ACP6: variants seen among roughly 807,000 people sequenced by gnomAD.
ACP6 encodes the protein lysophosphatidic acid phosphatase type 6.
In ACP6, 48 loss-of-function variants were observed where a neutral mutation model predicts 48.1. That is an observed-to-expected ratio of 1.00 (90% CI 0.79 to 1.27). ACP6 has a LOEUF of 1.27. Ranked by LOEUF, ACP6 falls within the 50% of genes most tolerant of loss-of-function variation. ACP6 has a pLI of 0.00. For missense variants in ACP6, 485 were observed against 529.1 expected (o/e 0.92, Z 0.82); for synonymous variants, 172 against 204.2 (o/e 0.84, Z 1.34).
In ACP6 at chr1:147,643,674, A is replaced by G. The variant is rs1194553430; in HGVS notation, c.*3749T>C. The G allele has an allele frequency of 6.6e-6, 1 of 152,240 alleles. No individual in the cohort carries two copies. Among genetic ancestry groups the G allele is most frequent in the African/African-American group, 2.4e-5 (1 of 41,434 alleles). The allele number at this position is 152,240 out of a possible 1,614,324, so 9.4% of individuals were successfully genotyped here. On this transcript the variant is annotated 3_prime_UTR_variant, in exon 10 of 10. Coordinates refer to ENST00000583509, the MANE Select transcript of ACP6 (RefSeq NM_016361.5). ...GATGGGAAAAAGGGAGATGTTAGTC[A>G]AAATGTACAAAGTTTCAGTTAAACA...
At chr1:147,666,260 A>T (rs1660792805) in intron 1 of ACP6, among the ~76,000 whole-genome samples, 1 of 152,186 alleles carries the variant, frequency 6.6e-6, no homozygotes, top group Non-Finnish European at 1.5e-5. Flanking sequence ...AATTCCTCCC[A>T]AGGGTCCTCA....
In ACP6 at chr1:147,655,019, A is replaced by G. The variant is rs1660173349; in HGVS notation, c.647+142T>C. Reference sequence around the variant, plus strand: ...TCGCTTCCTAGACAGCTGATGTCACACTTAAGTGTAATTTAAACCTTCCCA... The same window carrying G: ...TCGCTTCCTAGACAGCTGATGTCACGCTTAAGTGTAATTTAAACCTTCCCA... On this transcript the variant is annotated intron_variant, in intron 5 of 9. Coordinates refer to ENST00000583509, the MANE Select transcript of ACP6 (RefSeq NM_016361.5). 1.6e-5 allele frequency: 10 copies of G among 637,946 alleles called. 2 individuals are homozygous for G. The East Asian group carries it at 2.6e-4, about 17-fold the overall frequency. The allele number at this position is 637,946 out of a possible 1,614,324, so 39.5% of individuals were successfully genotyped here. A position where few individuals can be genotyped will look rare whatever the true frequency, so the allele number is the denominator to read the frequency against.
chr1:147,631,692 C>T (rs1192944771), intron 5 of ACP6, among the ~76,000 whole-genome samples: 1 of 152,008 alleles, frequency 6.6e-6, no homozygotes, highest in East Asian at 1.9e-4. Context: ...CACACACCGG[C>T]AGTCCCAGCT....
At position 147,642,396 on chromosome 1, in the gene ACP6, C is replaced by A. The variant is rs1350525250; in HGVS notation, c.*5027G>T. ...GAGGCCTAGAGATAATTGGATTACA[C>A]AGGAAAAGGGAGTGTGGGTCAGGGG... On this transcript the variant is annotated 3_prime_UTR_variant, in exon 10 of 10. Coordinates refer to ENST00000583509, the MANE Select transcript of ACP6 (RefSeq NM_016361.5). 6.6e-6 allele frequency: 1 copy of A among 152,084 alleles called. No homozygotes were observed. Among genetic ancestry groups the A allele is most frequent in the Non-Finnish European group, 1.5e-5 (1 of 68,056 alleles). The allele number at this position is 152,084 out of a possible 1,614,324, so 9.4% of individuals were successfully genotyped here.
intron 5 of ACP6, among the ~76,000 whole-genome samples, chr1:147,634,447 T>TA (rs1553207765): frequency 1.4e-4 from 22 of 151,952 alleles, no homozygotes; most frequent in Admixed American, 2.6e-4. Flanking sequence ...GTTTTTTTTT[T>TA]AATTTTGATA....
intron 1 of ACP6, among the ~76,000 whole-genome samples, chr1:147,665,185 G>C (rs1175297777): frequency 2.0e-5 from 3 of 152,178 alleles, no homozygotes; most frequent in African/African-American, 4.8e-5. Flanking sequence ...CATCCTCTTA[G>C]CCCACAGGCT....
intron 1 of ACP6, among the ~76,000 whole-genome samples, chr1:147,663,664 G>C (rs1313835709): frequency 6.6e-6 from 1 of 152,000 alleles, no homozygotes; most frequent in African/African-American, 2.4e-5. Flanking sequence ...TTTTAAAAAA[G>C]GACTTCTACC....
At position 147,646,658 on chromosome 1, in the gene ACP6, AGCCCTGGG is replaced by A. The variant is rs1451730545; in HGVS notation, c.*757_*764del. 6.6e-6 allele frequency: 1 copy of A among 152,192 alleles called. No individual in the cohort carries two copies. Among genetic ancestry groups the A allele is most frequent in the Non-Finnish European group, 1.5e-5 (1 of 68,102 alleles). 9.4% of individuals were successfully genotyped at this position (152,192 alleles called of 1,614,324 possible). Reference sequence around the variant, plus strand: ...AGTAGTTCCAGCCTTACCATTGCAGAGCCCTGGGGCCCACATTTGTTTCTGGAACTAAA... The same window carrying A: ...AGTAGTTCCAGCCTTACCATTGCAGAGCCCACATTTGTTTCTGGAACTAAA... On this transcript the variant is annotated 3_prime_UTR_variant, in exon 10 of 10. Coordinates refer to ENST00000583509, the MANE Select transcript of ACP6 (RefSeq NM_016361.5).
At position 147,635,226 on chromosome 1, in the gene ACP6, T is replaced by C. The variant is rs1659266166; in HGVS notation, c.461-4161A>G. ...GTGACATCTATAACTTAACTTTTTATCTACTCCAGGGTATTACCTACCAAA... is the reference window on the plus strand; with the variant it reads ...GTGACATCTATAACTTAACTTTTTACCTACTCCAGGGTATTACCTACCAAA... On this transcript the variant is annotated intron_variant, in intron 5 of 5. Transcript: ENST00000609196. 3.3e-5 allele frequency among the ~76,000 whole-genome samples: 5 copies of C among 152,342 alleles called. No individual in the cohort carries two copies. The South Asian group carries it at 1.0e-3, about 32-fold the overall frequency.
In ACP6 at chr1:147,670,126, C is replaced by A; in HGVS notation, c.-78G>T. On this transcript the variant is annotated 5_prime_UTR_variant, in exon 1 of 10. Transcript: ENST00000583509. Reference sequence around the variant, plus strand: ...GTCTTCTGCGGGCGCCGGGGCTCAGCGGGCGCCCCCAAGTCCGCGGGAACC... The same window carrying A: ...GTCTTCTGCGGGCGCCGGGGCTCAGAGGGCGCCCCCAAGTCCGCGGGAACC... The A allele has an allele frequency of 7.3e-7, 1 of 1,364,260 alleles. No homozygotes were observed. The highest frequency in any genetic ancestry group is 9.7e-7 in the Non-Finnish European group (1 of 1,035,638). 84.5% of individuals were successfully genotyped at this position (1,364,260 alleles called of 1,614,324 possible).
rs149555309 is a variant in ACP6, at chr1:147,648,616, C to T, written c.978-205G>A. Among the ~76,000 whole-genome samples the T allele has an allele frequency of 2.0e-3, 304 of 152,222 alleles. 1 individual carries two copies. Among genetic ancestry groups the T allele is most frequent in the Non-Finnish European group, 3.4e-3 (234 of 68,012 alleles). On this transcript the variant is annotated intron_variant, in intron 8 of 9. Coordinates refer to ENST00000583509, the MANE Select transcript of ACP6 (RefSeq NM_016361.5). The stretch of plus-strand genomic sequence containing the variant: ...CCCGTGTCTTCATGAGGAGGGTCCC[C>T]GCCAGAGAAATTCTCCTGGCCTCCT...
intron 1 of ACP6, among the ~76,000 whole-genome samples, chr1:147,667,496 A>G (rs58893436): frequency 6.6e-6 from 1 of 151,190 alleles, no homozygotes; most frequent in African/African-American, 2.4e-5. Flanking sequence ...GATTACAGGC[A>G]TGAGCCACCA....
chr1:147,663,822 T>C (rs1306562996), intron 1 of ACP6, among the ~76,000 whole-genome samples: 1 of 152,192 alleles, frequency 6.6e-6, no homozygotes, highest in Non-Finnish European at 1.5e-5. Context: ...TTGTCTTCAA[T>C]GTTCAAGGAT....
At position 147,658,952 on chromosome 1, in the gene ACP6, A is replaced by T. The variant is rs781831832; in HGVS notation, c.559+8T>A. On this transcript the variant is annotated splice_region_variant and intron_variant, in intron 4 of 9. Coordinates refer to ENST00000583509, the MANE Select transcript of ACP6 (RefSeq NM_016361.5). ...GGACAGGGACTGACTGGGACCCCAA[A>T]TACGAACCTTCTTTCTGACACTGGA... 5.0e-6 allele frequency: 8 copies of T among 1,610,112 alleles called. No homozygotes were observed. The highest frequency in any genetic ancestry group is 6.8e-6 in the Non-Finnish European group (8 of 1,177,698).
intron 5 of ACP6, among the ~76,000 whole-genome samples, chr1:147,634,096 C>T (rs1367363039): frequency 1.3e-5 from 2 of 152,154 alleles, no homozygotes; most frequent in African/African-American, 2.4e-5. Flanking sequence ...ATTTTGCATT[C>T]CCACTAAGAA....
chr1:147,645,213 T>A lies in ACP6; in HGVS notation c.*2210A>T, dbSNP rs186102893. 2 of 149,636 alleles carry A rather than the reference T, an allele frequency of 1.3e-5. No homozygotes were observed. The highest frequency in any genetic ancestry group is 2.4e-5 in the African/African-American group (1 of 40,818). The allele number at this position is 149,636 out of a possible 1,614,324, so 9.3% of individuals were successfully genotyped here. On this transcript the variant is annotated 3_prime_UTR_variant, in exon 10 of 10. Transcript: ENST00000583509. ...CCATAAATATAATAATTTTATAAAA[T>A]TATAATAATTTTATAAAAATATAAT...
chr1:147,656,130 C>T (rs1245490122), intron 4 of ACP6, among the ~76,000 whole-genome samples: 9 of 152,126 alleles, frequency 5.9e-5, no homozygotes, highest in African/African-American at 2.2e-4. Flanking sequence ...TTAAAAATAG[C>T]CTATAACTTT....
intron 1 of ACP6, among the ~76,000 whole-genome samples, chr1:147,667,274 G>C (rs1660844106): frequency 6.6e-6 from 1 of 152,204 alleles, no homozygotes; most frequent in Admixed American, 6.5e-5. Flanking sequence ...GTAGAGTGCA[G>C]TGACCCAATC....
intron 5 of ACP6, among the ~76,000 whole-genome samples, chr1:147,654,957 C>G (rs1257677037): frequency 6.6e-6 from 1 of 152,202 alleles, no homozygotes; most frequent in African/African-American, 2.4e-5. Flanking sequence ...GAATTCCTGG[C>G]CTTCACCATG....
Sources: allele counts gnomAD v4.1 joint callset (sites outside exome capture counted in the v4.1 genomes callset), GRCh38; gene constraint gnomAD v4.1.1; transcripts MANE v1.5; gene names NCBI Gene and HGNC (gene_info 2026-07-23, HGNC 2026-07-21).